The following C1orf21 variants were observed in gnomAD, a reference collection of about 807,000 sequenced individuals.
C1orf21 encodes uncharacterized protein C1orf21.
C1orf21 carries 3 observed loss-of-function variants against 18.7 expected under a neutral mutation model. That is an observed-to-expected ratio of 0.16 (90% CI 0.07 to 0.42). The LOEUF (loss-of-function observed/expected upper bound fraction) is 0.42. C1orf21 is among the 10% of genes least tolerant of loss of function. The pLI is 0.99. For synonymous variants in C1orf21, 41 were observed against 46.4 expected (o/e 0.88, Z 0.47); for missense variants, 104 against 143.6 (o/e 0.72, Z 1.41).
chr1:184,550,802 G>C (rs1658801909), intron 3 of C1orf21, among the ~76,000 whole-genome samples: 1 of 152,132 alleles, frequency 6.6e-6, no homozygotes, highest in African/African-American at 2.4e-5. Flanking sequence ...CTCCCAAAAT[G>C]CTGGGATTAC....
chr1:184,446,614 AAGAC>A (rs1194400768), intron 1 of C1orf21, among the ~76,000 whole-genome samples: 1 of 152,182 alleles, frequency 6.6e-6, no homozygotes, highest in East Asian at 1.9e-4. Context: ...GGGGAAAAGA[AAGAC>A]AGACAGACGT....
intron 1 of C1orf21, among the ~76,000 whole-genome samples, chr1:184,427,912 G>A (rs1304098665): frequency 1.3e-5 from 2 of 152,116 alleles, no homozygotes; most frequent in Non-Finnish European, 2.9e-5. Flanking sequence ...AGGGCCTTAT[G>A]ACTTAGGTAA....
intron 3 of C1orf21, among the ~76,000 whole-genome samples, chr1:184,519,925 G>A (rs1043430680): frequency 6.6e-6 from 1 of 152,122 alleles, no homozygotes; most frequent in Non-Finnish European, 1.5e-5. Context: ...TGGTAGTTCT[G>A]AAAATGGAGT....
chr1:184,416,658 C>T (rs554843321), intron 1 of C1orf21, among the ~76,000 whole-genome samples: 1 of 152,288 alleles, frequency 6.6e-6, no homozygotes, highest in South Asian at 2.1e-4. Flanking sequence ...AGCAGTATTA[C>T]TCAGCATGAT....
At chr1:184,582,593 G>T (rs1236475146) in intron 3 of C1orf21, among the ~76,000 whole-genome samples, 4 of 152,150 alleles carry the variant, frequency 2.6e-5, no homozygotes, top group Non-Finnish European at 5.9e-5. Context: ...ACTTCCTATT[G>T]CTGAACCCAG....
intron 1 of C1orf21, among the ~76,000 whole-genome samples, chr1:184,474,402 A>T (rs1198288969): frequency 1.3e-5 from 2 of 151,946 alleles, no homozygotes; most frequent in African/African-American, 2.4e-5. Context: ...GACATCCTTT[A>T]AAAAAAAGAG....
intron 2 of C1orf21, among the ~76,000 whole-genome samples, chr1:184,495,866 C>G (rs573294292): frequency 1.5e-5 from 2 of 137,668 alleles, no homozygotes; most frequent in African/African-American, 5.5e-5. Flanking sequence ...TGCAGTGAGC[C>G]AAGATCGTGC....
chr1:184,460,351 A>G (rs1012467358), intron 1 of C1orf21, among the ~76,000 whole-genome samples: 2 of 152,208 alleles, frequency 1.3e-5, no homozygotes, highest in Non-Finnish European at 2.9e-5. Flanking sequence ...AATAAAATGA[A>G]GCTTCAGTAG....
At chr1:184,583,477 A>T (rs977256629) in intron 3 of C1orf21, among the ~76,000 whole-genome samples, 1 of 152,236 alleles carries the variant, frequency 6.6e-6, no homozygotes, top group Non-Finnish European at 1.5e-5. Flanking sequence ...TAATAAAAAA[A>T]GTTAAAGAGT....
At chr1:184,533,315 A>G (rs1658498594) in intron 3 of C1orf21, among the ~76,000 whole-genome samples, 1 of 151,938 alleles carries the variant, frequency 6.6e-6, no homozygotes, top group African/African-American at 2.4e-5. Context: ...TCATATCATA[A>G]TCGTAATTAA....
chr1:184,546,261 C>T (rs1658725707), intron 3 of C1orf21, among the ~76,000 whole-genome samples: 1 of 152,058 alleles, frequency 6.6e-6, no homozygotes, highest in South Asian at 2.1e-4. Flanking sequence ...ATGGTGAAAC[C>T]CTGTCTCTAC....
intron 1 of C1orf21, among the ~76,000 whole-genome samples, chr1:184,428,158 T>A (rs1322739286): frequency 6.6e-6 from 1 of 152,232 alleles, no homozygotes; most frequent in African/African-American, 2.4e-5. Context: ...TGGTGCATAA[T>A]CTTTGAAAGT....
intron 3 of C1orf21, among the ~76,000 whole-genome samples, chr1:184,541,373 G>A (rs926271503): frequency 2.0e-5 from 3 of 152,158 alleles, no homozygotes; most frequent in Non-Finnish European, 4.4e-5. Context: ...CATCCTCAAT[G>A]ATCATACTTT....
At chr1:184,559,262 A>G (rs1337131410) in intron 3 of C1orf21, among the ~76,000 whole-genome samples, 2 of 151,188 alleles carry the variant, frequency 1.3e-5, no homozygotes, top group African/African-American at 4.9e-5. Flanking sequence ...AGTGTGTGGC[A>G]CCTCCTCCCA....
chr1:184,423,457 C>T (rs1343685542), intron 1 of C1orf21, among the ~76,000 whole-genome samples: 1 of 152,130 alleles, frequency 6.6e-6, no homozygotes, highest in African/African-American at 2.4e-5. Context: ...GCGGCCTTAA[C>T]TGAATAGGCA....
intron 1 of C1orf21, among the ~76,000 whole-genome samples, chr1:184,396,851 G>A (rs1656057889): frequency 6.6e-6 from 1 of 152,118 alleles, no homozygotes; most frequent in South Asian, 2.1e-4. Context: ...GCAACTGTAG[G>A]GTTCATGAAG....
At chr1:184,466,550 C>T (rs1657401302) in intron 1 of C1orf21, among the ~76,000 whole-genome samples, 1 of 152,198 alleles carries the variant, frequency 6.6e-6, no homozygotes. Flanking sequence ...AATATGAGAA[C>T]TGAGGTGCCT....
rs34357474 is a variant in C1orf21 at position 184,627,436 on chromosome 1, T to C, written c.*7880T>C. On this transcript the variant is annotated 3_prime_UTR_variant, in exon 6 of 6. Coordinates refer to ENST00000235307, the MANE Select transcript of C1orf21 (RefSeq NM_030806.4). ...AAGCTCAAACAGAAGACAGTTCCCC[T>C]GAGAGGCTGGAGGCGTTGGTGCTGA... 4,759 of 152,284 alleles carry C rather than the reference T, an allele frequency of 0.031. 127 individuals carry two copies. The highest frequency in any genetic ancestry group is 0.051 in the Non-Finnish European group (3,448 of 68,062). The allele number at this position is 152,284 out of a possible 1,614,324, so 9.4% of individuals were successfully genotyped here. A position where few individuals can be genotyped will look rare whatever the true frequency, so the allele number is the denominator to read the frequency against.
intron 1 of C1orf21, among the ~76,000 whole-genome samples, chr1:184,427,778 G>C (rs570074652): frequency 6.6e-6 from 1 of 152,076 alleles, no homozygotes; most frequent in Non-Finnish European, 1.5e-5. Flanking sequence ...CATCGGCCTT[G>C]CTTGGAAAAA....
Sources: gnomAD v4.1 joint callset for allele counts (sites outside exome capture counted in the v4.1 genomes callset) on GRCh38, gnomAD v4.1.1 for gene constraint, MANE v1.5 for transcripts, NCBI Gene and HGNC (gene_info 2026-07-23, HGNC 2026-07-21) for gene names.